CDC42BPA: variants seen among roughly 807,000 people sequenced by gnomAD.
The protein encoded by CDC42BPA is serine/threonine-protein kinase MRCK alpha.
Under a neutral mutation model 223.5 loss-of-function variants are expected in CDC42BPA, and 80 were observed. That is an observed-to-expected ratio of 0.36 (90% CI 0.30 to 0.43). The LOEUF (loss-of-function observed/expected upper bound fraction) is 0.43. CDC42BPA is among the 20% of genes least tolerant of loss of function. CDC42BPA has a pLI of 1.00. For synonymous variants in CDC42BPA, 694 were observed against 718.6 expected (o/e 0.97, Z 0.55); for missense variants, 1,743 against 2,099.9 (o/e 0.83, Z 3.32).
chr1:227,031,615 GC>G, intron 27 of CDC42BPA, 101 bp from the exon 28 acceptor site: 2 of 839,176 alleles, frequency 2.4e-6, no homozygotes, highest in African/African-American at 3.4e-5. Context: ...AATAAAATAA[GC>G]ATTCATTAAA....
chr1:227,058,928 A>G (rs1675180616), intron 21 of CDC42BPA, among the ~76,000 whole-genome samples: 2 of 152,104 alleles, frequency 1.3e-5, no homozygotes, highest in Admixed American at 1.3e-4. Context: ...ATTATAGTCA[A>G]TAAGATGTAT....
rs1248748052 is a variant in CDC42BPA, at chr1:227,059,531, G to A, written c.2905-7546C>T. 4.0e-5 allele frequency: 36 copies of A among 894,664 alleles called. No homozygotes were observed. The East Asian group carries it at 8.7e-4, about 22-fold the overall frequency. The allele number at this position is 894,664 out of a possible 1,614,324, so 55.4% of individuals were successfully genotyped here. ...ACATACATATAAAGCCACAGTTTTG[G>A]ATAGGTTGAATGTACATGTATTTTT... On this transcript the variant is annotated intron_variant, in intron 21 of 36. Coordinates refer to ENST00000366766, the MANE Select transcript of CDC42BPA (RefSeq NM_001394014.1).
intron 16 of CDC42BPA, among the ~76,000 whole-genome samples, chr1:227,087,431 C>T (rs573941110): frequency 6.6e-6 from 1 of 152,268 alleles, no homozygotes; most frequent in African/African-American, 2.4e-5. Flanking sequence ...TTGATTACTG[C>T]ATTTTTATAG....
intron 10 of CDC42BPA, among the ~76,000 whole-genome samples, chr1:227,132,115 A>ACCCTCTCCCTCT (rs11278964): frequency 1.3e-5 from 2 of 150,984 alleles, no homozygotes; most frequent in Non-Finnish European, 3.0e-5. Flanking sequence ...AAGAAATTCA[A>ACCCTCTCCCTCT]CCCTCTCCCT....
rs142906559 is a variant in CDC42BPA at position 227,304,809 on chromosome 1, A to G, written c.178+12196T>C. ...GTGTGGGACAAAAGAATAGCACAAG[A>G]GAATTTTAGGGATGATGGAACTGCT... On this transcript the variant is annotated intron_variant, in intron 1 of 36. Coordinates refer to ENST00000366766, the MANE Select transcript of CDC42BPA (RefSeq NM_001394014.1). 2.2e-4 allele frequency among the ~76,000 whole-genome samples: 34 copies of G among 152,358 alleles called. No individual in the cohort carries two copies. In the East Asian group the frequency reaches 6.4e-3, roughly 28 times the overall value.
intron 10 of CDC42BPA, among the ~76,000 whole-genome samples, chr1:227,137,902 T>C (rs79903315): frequency 0.021 from 3,158 of 152,192 alleles, 124 homozygotes; most frequent in African/African-American, 0.072. Flanking sequence ...TACCCTATGC[T>C]GGACATATTC....
At position 227,101,083 on chromosome 1, in the gene CDC42BPA, T is replaced by C; in HGVS notation, c.2158A>G (p.Lys720Glu). 1 of 1,571,318 alleles carries C rather than the reference T, an allele frequency of 6.4e-7. No homozygotes were observed. Among genetic ancestry groups the C allele is most frequent in the Non-Finnish European group, 8.8e-7 (1 of 1,141,818 alleles). ...IHANEIKNLKKELHDSEGQQL... is the reference protein window; with the variant it reads ...IHANEIKNLKEELHDSEGQQL... ...TGACCTTCTGAATCATGCAGTTCTT[T>C]CTTAAGATTTTTTATTTCATTTGCA... Residue 720 changes from lysine (K) to glutamate (E), a missense_variant, in exon 15 of 37, where the codon AAA becomes GAA. Physicochemically the swap from Lys to Glu is moderately conservative, Grantham distance 56 (BLOSUM62 1). Around this residue, in one of 6 missense-constraint regions of CDC42BPA, gnomAD observed 464 missense variants for 488.0 expected, o/e 0.95. Coordinates refer to ENST00000366766, the MANE Select transcript of CDC42BPA (RefSeq NM_001394014.1).
chr1:227,277,044 C>T (rs1337438747), intron 1 of CDC42BPA, among the ~76,000 whole-genome samples: 4 of 149,642 alleles, frequency 2.7e-5, no homozygotes, highest in African/African-American at 4.9e-5. Flanking sequence ...AAATCCCCCT[C>T]TCCGAGAAAC....
chr1:227,119,887 C>G lies in CDC42BPA; in HGVS notation c.1564G>C (p.Glu522Gln). Reference protein sequence around the residue: ...QLEEANAVRQELDDAFRQIKA... With the variant: ...QLEEANAVRQQLDDAFRQIKA... ...ATTTGTCTAAAAGCATCATCTAGTT[C>G]TTGCCTCACAGCATTAGCTTCTTCA... The change falls in exon 12 of 37, where the codon GAA (glutamate) becomes CAA (glutamine). Residue 522 changes from glutamate (E) to glutamine (Q), a missense_variant. Glu to Gln is a conservative substitution (Grantham distance 29). Around this residue, in one of 6 missense-constraint regions of CDC42BPA, gnomAD observed 464 missense variants for 488.0 expected, o/e 0.95. Transcript: ENST00000366766. 1 of 1,602,782 alleles carries G rather than the reference C, an allele frequency of 6.2e-7. No individual in the cohort carries two copies. The highest frequency in any genetic ancestry group is 8.5e-7 in the Non-Finnish European group (1 of 1,174,424).
intron 31 of CDC42BPA, among the ~76,000 whole-genome samples, chr1:227,024,388 T>C (rs1045692172): frequency 1.3e-5 from 2 of 152,204 alleles, no homozygotes; most frequent in African/African-American, 4.8e-5. Flanking sequence ...ACAATTACTT[T>C]GGAAAATAAT....
At chr1:227,279,622 T>C (rs1201323876) in intron 1 of CDC42BPA, among the ~76,000 whole-genome samples, 4 of 152,192 alleles carry the variant, frequency 2.6e-5, no homozygotes, top group Non-Finnish European at 4.4e-5. Context: ...GAAGGCTTTA[T>C]ATTTGGAGAC....
chr1:227,027,483 G>A (rs1488922491), intron 30 of CDC42BPA, among the ~76,000 whole-genome samples: 2 of 152,056 alleles, frequency 1.3e-5, no homozygotes, highest in African/African-American at 4.8e-5. Context: ...GGCCTTCTTG[G>A]CGGTCTTACT....
At chr1:227,065,013 C>T (rs1188995950) in intron 21 of CDC42BPA, among the ~76,000 whole-genome samples, 3 of 152,016 alleles carry the variant, frequency 2.0e-5, no homozygotes, top group Admixed American at 6.5e-5. Flanking sequence ...AGGAGAATGG[C>T]GTGAACCCGG....
intron 15 of CDC42BPA, among the ~76,000 whole-genome samples, chr1:227,093,187 T>C (rs1048275774): frequency 1.3e-5 from 2 of 152,182 alleles, no homozygotes; most frequent in Non-Finnish European, 2.9e-5. Context: ...TCTCTAATTA[T>C]GTACAGTGAC....
intron 10 of CDC42BPA, among the ~76,000 whole-genome samples, chr1:227,129,714 T>TATATATATATATATATATATATATAA (rs140091366): frequency 9.5e-6 from 1 of 105,806 alleles, no homozygotes; most frequent in Non-Finnish European, 1.9e-5. Flanking sequence ...TATATATATA[T>TATATATATATATATATATATATATAA]ACAAAAGAAT....
At chr1:227,054,769 T>C (rs969214702) in intron 21 of CDC42BPA, among the ~76,000 whole-genome samples, 1 of 152,134 alleles carries the variant, frequency 6.6e-6, no homozygotes, top group Non-Finnish European at 1.5e-5. Context: ...TTTTCTTTGC[T>C]GAATGAGGTA....
chr1:227,016,867 C>A, intron 33 of CDC42BPA, 60 bp downstream of exon 33: 2 of 1,481,230 alleles, frequency 1.4e-6, no homozygotes, highest in South Asian at 1.5e-5. Flanking sequence ...ATAGTATCAT[C>A]ACCGAGTAGT....
intron 2 of CDC42BPA, among the ~76,000 whole-genome samples, chr1:227,237,469 C>T (rs1216343342): frequency 6.6e-6 from 1 of 152,182 alleles, no homozygotes. Context: ...TACTATTCTG[C>T]ATCTTATTTT....
chr1:227,220,282 T>TTACATATATATATATA (rs1675597007), intron 2 of CDC42BPA, among the ~76,000 whole-genome samples: 1 of 100,900 alleles, frequency 9.9e-6, no homozygotes, highest in African/African-American at 4.0e-5. Flanking sequence ...AAAAGTCATG[T>TTACATATATATATATA]TATATATATA....
Sources: allele counts gnomAD v4.1 joint callset (sites outside exome capture counted in the v4.1 genomes callset), GRCh38; gene constraint gnomAD v4.1.1; regional missense constraint gnomAD v4.1.1; transcripts MANE v1.5; gene names NCBI Gene and HGNC (gene_info 2026-07-23, HGNC 2026-07-21).